SMG6: variants seen among roughly 807,000 people sequenced by gnomAD.
SMG6 encodes the protein SMG6 nonsense mediated mRNA decay factor, also known as telomerase-binding protein EST1A.
In SMG6, 66 loss-of-function variants were observed where a neutral mutation model predicts 142.2. The observed-to-expected ratio is 0.46, with a 90% CI of 0.38 to 0.57. The LOEUF (loss-of-function observed/expected upper bound fraction) is 0.57, where lower values mean the gene tolerates loss of function less well. Among genes scored for constraint, SMG6 ranks in the 20% least tolerant of loss-of-function variants. SMG6 has a pLI of 0.00. For missense variants in SMG6, 1,793 were observed against 1,832.0 expected, an observed-to-expected ratio of 0.98 and a Z score of 0.39; for synonymous variants, 779 against 702.4, an observed-to-expected ratio of 1.11 and a Z score of -1.72.
At chr17:2,241,453 C>A (rs2073798940) in intron 9 of SMG6, among the ~76,000 whole-genome samples, 1 of 152,172 alleles carries the variant, frequency 6.6e-6, no homozygotes, top group Non-Finnish European at 1.5e-5. Context: ...ATGTTAGGCA[C>A]CCTACAGCTG....
chr17:2,111,889 G>C (rs895452556), intron 13 of SMG6, among the ~76,000 whole-genome samples: 1 of 152,130 alleles, frequency 6.6e-6, no homozygotes, highest in Non-Finnish European at 1.5e-5. Context: ...GCAGTTTCTG[G>C]AAAGTTTCCA....
chr17:2,087,085 C>G, intron 13 of SMG6: 1 of 1,290,484 alleles, frequency 7.7e-7, no homozygotes, highest in Non-Finnish European at 1.0e-6. Context: ...CTGGAGACTA[C>G]TGATGATCAT....
chr17:2,194,698 A>G lies in SMG6; in HGVS notation c.2870-6183T>C, dbSNP rs963960652. Among the ~76,000 whole-genome samples, 9 of 124,546 alleles carry G rather than the reference A, an allele frequency of 7.2e-5. No homozygotes were observed. In the East Asian group the frequency reaches 1.1e-3, roughly 15 times the overall value. The allele number at this position is 124,546 out of a possible 152,430, so 81.7% of individuals were successfully genotyped here. On this transcript the variant is annotated intron_variant, in intron 10 of 18. Coordinates refer to ENST00000263073, the MANE Select transcript of SMG6 (RefSeq NM_017575.5). ...GACCCTGTCTCTACCAAAAGAAAAGAAAACAAAACAAAACAAAAAAAAAAA... is the reference window on the plus strand; with the variant it reads ...GACCCTGTCTCTACCAAAAGAAAAGGAAACAAAACAAAACAAAAAAAAAAA...
intron 13 of SMG6, among the ~76,000 whole-genome samples, chr17:2,131,217 A>C (rs1751605330): frequency 6.6e-6 from 1 of 152,160 alleles, no homozygotes. Context: ...GAGACTAGAG[A>C]CTAGTGTAAT....
At chr17:2,128,673 A>G (rs2069988059) in intron 13 of SMG6, among the ~76,000 whole-genome samples, 1 of 152,050 alleles carries the variant, frequency 6.6e-6, no homozygotes, top group African/African-American at 2.4e-5. Flanking sequence ...AAAATACAAA[A>G]ATTAGCTGGG....
chr17:2,201,959 GGT>G (rs1419932278), intron 10 of SMG6, among the ~76,000 whole-genome samples: 54 of 152,156 alleles, frequency 3.5e-4, no homozygotes, highest in Non-Finnish European at 6.6e-4. Flanking sequence ...AGAAGGTGGA[GGT>G]TGTAGTGAGC....
intron 10 of SMG6, among the ~76,000 whole-genome samples, chr17:2,216,613 AAATC>A (rs947226433): frequency 1.2e-4 from 19 of 152,334 alleles, no homozygotes; most frequent in South Asian, 2.1e-4. Context: ...AGACCTTAGA[AAATC>A]AATCAATCAA....
intron 13 of SMG6, among the ~76,000 whole-genome samples, chr17:2,161,531 G>A (rs903479098): frequency 4.0e-5 from 6 of 151,376 alleles, no homozygotes; most frequent in Non-Finnish European, 7.4e-5. Flanking sequence ...ATTAATTACT[G>A]TTCATCTATA....
At chr17:2,156,607 C>A (rs996721504) in intron 13 of SMG6, among the ~76,000 whole-genome samples, 3 of 152,070 alleles carry the variant, frequency 2.0e-5, no homozygotes, top group African/African-American at 7.2e-5. Flanking sequence ...AAATGAAATG[C>A]CAAGCCCAAA....
chr17:2,252,407 T>A (rs216222), intron 8 of SMG6, among the ~76,000 whole-genome samples: 87,613 of 149,758 alleles, frequency 0.59, 26,569 homozygotes, highest in East Asian at 0.75. Flanking sequence ...TCAAAAAAAA[T>A]AAAGAAAAGA....
At chr17:2,061,750 C>T in intron 18 of SMG6, 128 bp from the exon 19 acceptor site, 1 of 1,088,908 alleles carries the variant, frequency 9.2e-7, no homozygotes, top group Non-Finnish European at 1.3e-6. Flanking sequence ...GCTCTTCTAC[C>T]AGTCCTTTCC....
At chr17:2,098,449 T>C (rs1200136182) in intron 13 of SMG6, among the ~76,000 whole-genome samples, 1 of 152,216 alleles carries the variant, frequency 6.6e-6, no homozygotes, top group African/African-American at 2.4e-5. Context: ...TTATTTACCA[T>C]TGTGCTGCAT....
chr17:2,145,726 TAAAAACA>T (rs747517657), intron 13 of SMG6, among the ~76,000 whole-genome samples: 1 of 112,472 alleles, frequency 8.9e-6, no homozygotes. Flanking sequence ...CCTCCAGAAA[TAAAAACA>T]AAAAAGAAAA....
intron 18 of SMG6, among the ~76,000 whole-genome samples, chr17:2,064,289 G>C (rs2067873356): frequency 6.6e-6 from 1 of 152,172 alleles, no homozygotes; most frequent in Admixed American, 6.5e-5. Flanking sequence ...AAAAATGCCA[G>C]AATCCTGGGA....
At chr17:2,100,382 A>G (rs1025663967) in intron 13 of SMG6, among the ~76,000 whole-genome samples, 1 of 152,088 alleles carries the variant, frequency 6.6e-6, no homozygotes, top group Non-Finnish European at 1.5e-5. Context: ...CACATTGGCC[A>G]GTCTGGGCTT....
intron 13 of SMG6, among the ~76,000 whole-genome samples, chr17:2,121,587 C>CTGTCTGTG (rs1360722020): frequency 7.2e-6 from 1 of 139,776 alleles, no homozygotes; most frequent in African/African-American, 2.7e-5. Flanking sequence ...ACATGTCTGT[C>CTGTCTGTG]TGTGTGTGTG....
chr17:2,214,434 G>A (rs553929490), intron 10 of SMG6: 10 of 150,356 alleles, frequency 6.7e-5, no homozygotes, highest in Non-Finnish European at 5.9e-5. Flanking sequence ...AAGAGCTGCA[G>A]AGTGAAGGCG....
At chr17:2,155,883 C>T (rs2070983835) in intron 13 of SMG6, among the ~76,000 whole-genome samples, 1 of 152,128 alleles carries the variant, frequency 6.6e-6, no homozygotes, top group African/African-American at 2.4e-5. Context: ...CGCTCCTGAT[C>T]CTGCATTTGA....
chr17:2,185,787 A>T (rs2071962776), intron 12 of SMG6, among the ~76,000 whole-genome samples: 1 of 151,958 alleles, frequency 6.6e-6, no homozygotes, highest in South Asian at 2.1e-4. Context: ...TGGTGAGAAG[A>T]CAGGGGGCGA....
Sources: gnomAD v4.1 joint callset for allele counts (sites outside exome capture counted in the v4.1 genomes callset) on GRCh38, gnomAD v4.1.1 for gene constraint, MANE v1.5 for transcripts, NCBI Gene and HGNC (gene_info 2026-07-23, HGNC 2026-07-21) for gene names.